The following ZFHX3 variants were observed in gnomAD, a reference collection of about 807,000 sequenced individuals.
The protein encoded by ZFHX3 is zinc finger homeobox protein 3.
ZFHX3 carries 42 observed loss-of-function variants against 279.1 expected under a neutral mutation model. That is an observed-to-expected ratio of 0.15 (90% CI 0.12 to 0.19). ZFHX3 has a LOEUF of 0.19. Ranked by LOEUF, ZFHX3 falls within the 10% of genes least tolerant of loss-of-function variation. ZFHX3 has a pLI of 1.00. For missense variants in ZFHX3, 4,981 were observed against 4,754.0 expected, an observed-to-expected ratio of 1.05 and a Z score of -1.40; for synonymous variants, 2,293 against 1,957.8, an observed-to-expected ratio of 1.17 and a Z score of -4.52.
intron 1 of ZFHX3, among the ~76,000 whole-genome samples, chr16:73,774,376 C>T (rs73602049): frequency 0.051 from 7,805 of 152,178 alleles, 650 homozygotes; most frequent in African/African-American, 0.18. Context: ...TTCATGACCA[C>T]CATTGCTGCC....
intron 5 of ZFHX3, among the ~76,000 whole-genome samples, chr16:73,172,741 A>T (rs1232987037): frequency 6.6e-6 from 1 of 152,212 alleles, no homozygotes; most frequent in Non-Finnish European, 1.5e-5. Flanking sequence ...CCCGGCCAAA[A>T]CACATATCAT....
intron 4 of ZFHX3, among the ~76,000 whole-genome samples, chr16:72,859,412 G>A (rs950959551): frequency 1.4e-4 from 21 of 152,130 alleles, no homozygotes; most frequent in African/African-American, 4.8e-4. Context: ...CAGAGAGGCC[G>A]CAAGGGGGCA....
At chr16:72,924,821 T>G (rs1477110600) in intron 3 of ZFHX3, among the ~76,000 whole-genome samples, 1 of 152,234 alleles carries the variant, frequency 6.6e-6, no homozygotes, top group African/African-American at 2.4e-5. Flanking sequence ...TCCCTTTAAC[T>G]TCCTTTTTTC....
At chr16:72,967,354 T>TC (rs1259417066) in intron 1 of ZFHX3, among the ~76,000 whole-genome samples, 1 of 151,744 alleles carries the variant, frequency 6.6e-6, no homozygotes, top group Non-Finnish European at 1.5e-5. Flanking sequence ...TTGGAGGGGC[T>TC]CCCAGTGGCC....
At chr16:73,675,642 T>C (rs767940667) in intron 2 of ZFHX3, among the ~76,000 whole-genome samples, 9 of 152,126 alleles carry the variant, frequency 5.9e-5, no homozygotes, top group African/African-American at 1.2e-4. Flanking sequence ...ACCAAGTGAA[T>C]AACTTAAGCT....
chr16:73,396,311 G>A (rs1259392837), intron 3 of ZFHX3, among the ~76,000 whole-genome samples: 1 of 152,220 alleles, frequency 6.6e-6, no homozygotes, highest in East Asian at 1.9e-4. Context: ...AGTATACCAT[G>A]TAGGCTCAAA....
intron 7 of ZFHX3, among the ~76,000 whole-genome samples, chr16:72,801,933 T>C (rs1002098130): frequency 3.4e-5 from 5 of 149,168 alleles, no homozygotes; most frequent in African/African-American, 7.4e-5. Flanking sequence ...GAAAAAAGAC[T>C]CCCCCCCACC....
chr16:73,835,500 C>T (rs1186911056), intron 1 of ZFHX3, among the ~76,000 whole-genome samples: 2 of 81,830 alleles, frequency 2.4e-5, no homozygotes, highest in Admixed American at 2.2e-4. Flanking sequence ...GATGGAGTTT[C>T]ACTCTTGTCA....
chr16:73,199,408 C>T (rs1429283020), intron 5 of ZFHX3, among the ~76,000 whole-genome samples: 2 of 152,216 alleles, frequency 1.3e-5, no homozygotes, highest in African/African-American at 4.8e-5. Context: ...ACTCTGCTGC[C>T]ATCTATGCCC....
At chr16:72,994,562 C>T (rs1239264431) in intron 1 of ZFHX3, among the ~76,000 whole-genome samples, 1 of 152,322 alleles carries the variant, frequency 6.6e-6, no homozygotes, top group Non-Finnish European at 1.5e-5. Flanking sequence ...GCAGCCTATC[C>T]GACTCCTACC....
rs777209389 is a variant in ZFHX3, at chr16:72,796,495, C to T, written c.6187G>A (p.Ala2063Thr). ...ATGGGTGGGGCTGATGCGGGGATGG[C>T]TGGTGTGGACGCCGGCTGAGGCGGC... is the stretch of plus-strand genomic sequence containing the variant. ...AAPPQPASTP[A>T]IPASAPPITS... The change falls in exon 9 of 10, where the codon GCC becomes ACC. Residue 2063 changes from alanine to threonine, a missense_variant. Ala to Thr is a moderately conservative substitution (Grantham distance 58, BLOSUM62 0). Coordinates refer to ENST00000268489, the MANE Select transcript of ZFHX3 (RefSeq NM_006885.4). 3.0e-6 allele frequency: 4 copies of T among 1,327,946 alleles called. 1 individual carries two copies. In the South Asian group the frequency reaches 4.6e-5, roughly 15 times the overall value. The allele number at this position is 1,327,946 out of a possible 1,614,324, so 82.3% of individuals were successfully genotyped here. A position where few individuals can be genotyped will look rare whatever the true frequency, so the allele number is the denominator to read the frequency against.
At chr16:73,594,074 G>A (rs2052025201) in intron 2 of ZFHX3, among the ~76,000 whole-genome samples, 1 of 152,146 alleles carries the variant, frequency 6.6e-6, no homozygotes, top group Non-Finnish European at 1.5e-5. Context: ...AAATGATTGA[G>A]AGGCTGAAAC....
chr16:73,377,698 T>TC (rs398119490), intron 3 of ZFHX3, among the ~76,000 whole-genome samples: 22 of 151,314 alleles, frequency 1.5e-4, no homozygotes, highest in African/African-American at 4.4e-4. Context: ...GTTTTTTTTT[T>TC]CCTATTATAA....
At position 73,351,251 on chromosome 16, in the gene ZFHX3, G is replaced by A. The variant is rs150718149; in HGVS notation, c.-1290-32915C>T. On this transcript the variant is annotated intron_variant, in intron 3 of 17. Transcript: ENST00000641206. ...GTCCTTTAACTGGACAAACGCCTTCGTTCAAGTGTCAACCCCAATCCGGGA... is the reference window on the plus strand; with the variant it reads ...GTCCTTTAACTGGACAAACGCCTTCATTCAAGTGTCAACCCCAATCCGGGA... Among the ~76,000 whole-genome samples, 341 of 152,264 alleles carry A rather than the reference G, an allele frequency of 2.2e-3. 2 individuals are homozygous for A. Among genetic ancestry groups the A allele is most frequent in the African/African-American group, 7.5e-3 (313 of 41,548 alleles).
chr16:72,950,422 C>T (rs1960928208), intron 3 of ZFHX3, 47 bp downstream of exon 3: 1 of 1,591,266 alleles, frequency 6.3e-7, no homozygotes, highest in Non-Finnish European at 8.6e-7. Context: ...GTGCGCAACC[C>T]CCTCCTTTCA....
At chr16:72,995,116 T>C (rs1963236321) in intron 1 of ZFHX3, among the ~76,000 whole-genome samples, 1 of 152,140 alleles carries the variant, frequency 6.6e-6, no homozygotes, top group South Asian at 2.1e-4. Flanking sequence ...AGATGAGAGG[T>C]GCCTGCCCCT....
chr16:73,779,511 A>G (rs1027805792), intron 1 of ZFHX3, among the ~76,000 whole-genome samples: 3 of 152,104 alleles, frequency 2.0e-5, no homozygotes, highest in African/African-American at 7.2e-5. Context: ...TCATTTATTC[A>G]TTCTCTCATT....
chr16:73,611,110 T>C (rs1289367906), intron 2 of ZFHX3, among the ~76,000 whole-genome samples: 1 of 152,232 alleles, frequency 6.6e-6, no homozygotes, highest in Non-Finnish European at 1.5e-5. Flanking sequence ...TTATTTTGTT[T>C]TTGAAAAGCA....
intron 3 of ZFHX3, among the ~76,000 whole-genome samples, chr16:73,443,134 C>G (rs2018123788): frequency 6.6e-6 from 1 of 152,186 alleles, no homozygotes; most frequent in South Asian, 2.1e-4. Context: ...GGGCAGAATT[C>G]AGCCCAGAAC....
Sources: allele counts gnomAD v4.1 joint callset (sites outside exome capture counted in the v4.1 genomes callset), GRCh38; gene constraint gnomAD v4.1.1; transcripts MANE v1.5; gene names NCBI Gene and HGNC (gene_info 2026-07-23, HGNC 2026-07-21).